The following KCNIP4 variants were observed in gnomAD, a reference collection of about 807,000 sequenced individuals.
The protein encoded by KCNIP4 is Kv channel-interacting protein 4.
A neutral mutation model predicts 34.0 loss-of-function variants in KCNIP4; 12 were observed. That is an observed-to-expected ratio of 0.35 (90% CI 0.23 to 0.57). KCNIP4 has a LOEUF of 0.57. KCNIP4 is among the 20% of genes least tolerant of loss of function. The probability of loss-of-function intolerance (pLI) is 0.83; values close to 1 mark genes in which losing one functional copy is unlikely to be tolerated. For synonymous variants in KCNIP4, 124 were observed against 102.2 expected (o/e 1.21, Z -1.29); for missense variants, 238 against 311.7 (o/e 0.76, Z 1.78).
chr4:21,336,967 G>A (rs978610482), intron 1 of KCNIP4, among the ~76,000 whole-genome samples: 2 of 152,086 alleles, frequency 1.3e-5, no homozygotes, highest in East Asian at 3.9e-4. Context: ...AAACTAGAAA[G>A]GTTTCACCAA....
intron 3 of KCNIP4, among the ~76,000 whole-genome samples, chr4:20,773,917 TAAGC>T (rs1756136540): frequency 1.3e-5 from 2 of 152,102 alleles, no homozygotes; most frequent in African/African-American, 4.8e-5. Context: ...AGAAAACAAA[TAAGC>T]AAGACAACGC....
intron 1 of KCNIP4, among the ~76,000 whole-genome samples, chr4:21,410,687 T>C (rs1724423109): frequency 6.6e-6 from 1 of 152,208 alleles, no homozygotes; most frequent in African/African-American, 2.4e-5. Context: ...AGCCAGGCCA[T>C]TTCTGAATTC....
At chr4:21,461,119 G>C (rs920153155) in intron 1 of KCNIP4, among the ~76,000 whole-genome samples, 1 of 152,026 alleles carries the variant, frequency 6.6e-6, no homozygotes, top group African/African-American at 2.4e-5. Flanking sequence ...ATGAATCATG[G>C]AGGTGGTCTC....
intron 1 of KCNIP4, among the ~76,000 whole-genome samples, chr4:21,036,984 G>A (rs1245015123): frequency 6.6e-6 from 1 of 151,896 alleles, no homozygotes; most frequent in East Asian, 1.9e-4. Context: ...GTGTGTGTTT[G>A]TGTCTTTGTT....
At chr4:21,093,999 G>A (rs935278612) in intron 1 of KCNIP4, among the ~76,000 whole-genome samples, 5 of 151,866 alleles carry the variant, frequency 3.3e-5, no homozygotes, top group African/African-American at 1.2e-4. Flanking sequence ...GGAGAATGGG[G>A]TGAACCCGGG....
At chr4:21,382,267 A>T (rs753310643) in intron 1 of KCNIP4, among the ~76,000 whole-genome samples, 8 of 152,186 alleles carry the variant, frequency 5.3e-5, no homozygotes, top group Non-Finnish European at 1.2e-4. Context: ...TCAGGACATC[A>T]CAGGCCATGT....
At chr4:21,560,403 TG>T (rs1179216875) in intron 1 of KCNIP4, among the ~76,000 whole-genome samples, 3 of 152,112 alleles carry the variant, frequency 2.0e-5, no homozygotes, top group Non-Finnish European at 4.4e-5. Context: ...AACATGTAAG[TG>T]CCTATTATAG....
chr4:20,980,144 T>C (rs536866885), intron 1 of KCNIP4, among the ~76,000 whole-genome samples: 1 of 152,384 alleles, frequency 6.6e-6, no homozygotes, highest in Admixed American at 6.5e-5. Context: ...GGCCTGGGCC[T>C]ATGCCCAGCA....
chr4:21,594,027 G>A (rs1378237845), intron 1 of KCNIP4, among the ~76,000 whole-genome samples: 1 of 152,012 alleles, frequency 6.6e-6, no homozygotes. Context: ...CATGTATGTA[G>A]GAAATGGAGC....
At chr4:20,790,010 C>T (rs1305496689) in intron 3 of KCNIP4, among the ~76,000 whole-genome samples, 1 of 152,078 alleles carries the variant, frequency 6.6e-6, no homozygotes, top group Non-Finnish European at 1.5e-5. Context: ...CATTAGGTGA[C>T]TTCCATTTTG....
chr4:21,889,463 T>C (rs1288622087), intron 1 of KCNIP4, among the ~76,000 whole-genome samples: 2 of 152,070 alleles, frequency 1.3e-5, no homozygotes, highest in African/African-American at 4.8e-5. Flanking sequence ...AATAGCTACC[T>C]GAAGGCATTG....
At chr4:20,982,246 G>A (rs976136830) in intron 1 of KCNIP4, among the ~76,000 whole-genome samples, 1 of 152,140 alleles carries the variant, frequency 6.6e-6, no homozygotes, top group Non-Finnish European at 1.5e-5. Flanking sequence ...CTGAAACCAA[G>A]TCAGCTCCAG....
chr4:21,580,140 C>A (rs1459834637), intron 1 of KCNIP4, among the ~76,000 whole-genome samples: 1 of 152,064 alleles, frequency 6.6e-6, no homozygotes, highest in Non-Finnish European at 1.5e-5. Flanking sequence ...ACTACTTAAA[C>A]AGTATCAGGG....
At chr4:21,015,784 TATAA>T (rs1739471678) in intron 1 of KCNIP4, among the ~76,000 whole-genome samples, 1 of 135,922 alleles carries the variant, frequency 7.4e-6, no homozygotes, top group Admixed American at 8.0e-5. Flanking sequence ...TTTATAAATA[TATAA>T]ATATATATAA....
intron 1 of KCNIP4, among the ~76,000 whole-genome samples, chr4:21,513,258 C>T (rs1734483544): frequency 6.6e-6 from 1 of 152,204 alleles, no homozygotes; most frequent in Non-Finnish European, 1.5e-5. Flanking sequence ...CCACATGTGG[C>T]TTGGGATTTG....
chr4:21,350,375 A>AC (rs1001502794), intron 1 of KCNIP4, among the ~76,000 whole-genome samples: 1 of 151,984 alleles, frequency 6.6e-6, no homozygotes, highest in Non-Finnish European at 1.5e-5. Context: ...AGTAATTGAG[A>AC]CCCCCACCAG....
chr4:21,305,482 T>C (rs1252480520), intron 1 of KCNIP4, among the ~76,000 whole-genome samples: 1 of 152,184 alleles, frequency 6.6e-6, no homozygotes, highest in Non-Finnish European at 1.5e-5. Context: ...TTCACAAGTG[T>C]CTCCATGCTC....
chr4:21,670,337 T>C (rs1052195510), intron 1 of KCNIP4, among the ~76,000 whole-genome samples: 2 of 146,098 alleles, frequency 1.4e-5, no homozygotes, highest in African/African-American at 2.5e-5. Flanking sequence ...AACCAAACAC[T>C]GCATATCCTC....
intron 1 of KCNIP4, among the ~76,000 whole-genome samples, chr4:21,307,130 G>A (rs4696974): frequency 1.3e-5 from 2 of 151,936 alleles, no homozygotes; most frequent in Non-Finnish European, 2.9e-5. Context: ...CAACCGTGCC[G>A]GGCCGGCAGG....
Sources: allele counts gnomAD v4.1 joint callset (sites outside exome capture counted in the v4.1 genomes callset), GRCh38; gene constraint gnomAD v4.1.1; transcripts MANE v1.5; gene names NCBI Gene and HGNC (gene_info 2026-07-23, HGNC 2026-07-21).